Variants in KIF6 observed in about 807,000 individuals in gnomAD.
KIF6 encodes kinesin family member 6.
KIF6 carries 106 observed loss-of-function variants against 112.7 expected under a neutral mutation model. The observed-to-expected ratio is 0.94, with a 90% CI of 0.80 to 1.11. The LOEUF (loss-of-function observed/expected upper bound fraction) is 1.11, where lower values mean the gene tolerates loss of function less well. Ranked by LOEUF, KIF6 falls within the 50% of genes least tolerant of loss-of-function variation. The pLI, the probability that KIF6 is intolerant of heterozygous loss-of-function variation, is 0.00. For synonymous variants in KIF6, 339 were observed against 339.9 expected (o/e 1.00, Z 0.03); for missense variants, 929 against 964.0 (o/e 0.96, Z 0.48).
intron 16 of KIF6, among the ~76,000 whole-genome samples, chr6:39,381,340 A>G (rs1024397051): frequency 1.3e-5 from 2 of 152,224 alleles, no homozygotes; most frequent in Non-Finnish European, 2.9e-5. Context: ...AGAGTGAGAG[A>G]AAGTGAAAAG....
At chr6:39,485,571 A>G (rs924400563) in intron 13 of KIF6, among the ~76,000 whole-genome samples, 3 of 152,176 alleles carry the variant, frequency 2.0e-5, no homozygotes, top group Admixed American at 6.5e-5. Context: ...TCTGTAGTTT[A>G]GCGATTCTCA....
rs1193089805 is a variant in KIF6 at position 39,330,722 on chromosome 6, G to C, written c.*5810C>G. 2.6e-5 allele frequency: 4 copies of C among 152,232 alleles called. No homozygotes were observed. Among genetic ancestry groups the C allele is most frequent in the African/African-American group, 4.8e-5 (2 of 41,460 alleles). 9.4% of individuals were successfully genotyped at this position (152,232 alleles called of 1,614,324 possible). A position where few individuals can be genotyped will look rare whatever the true frequency, so the allele number is the denominator to read the frequency against. The stretch of plus-strand genomic sequence containing the variant: ...CGAGGCCATGGAAAACCCAAATAAA[G>C]CAGTTAACTCTGAAAAGGTTGCTGC... On this transcript the variant is annotated 3_prime_UTR_variant, in exon 23 of 23. Transcript: ENST00000287152.
intron 13 of KIF6, among the ~76,000 whole-genome samples, chr6:39,444,849 T>C (rs1772201867): frequency 6.7e-6 from 1 of 148,312 alleles, no homozygotes; most frequent in Non-Finnish European, 1.5e-5. Flanking sequence ...AAAAAGGAAA[T>C]TTTTGGAGGG....
At chr6:39,708,204 GC>G (rs539638657) in intron 3 of KIF6, among the ~76,000 whole-genome samples, 202 of 152,226 alleles carry the variant, frequency 1.3e-3, no homozygotes, top group African/African-American at 4.5e-3. Flanking sequence ...GTGTGGTACT[GC>G]CCCCTGCCAT....
chr6:39,349,822 T>C (rs1764099812), intron 19 of KIF6, among the ~76,000 whole-genome samples: 1 of 151,792 alleles, frequency 6.6e-6, no homozygotes, highest in African/African-American at 2.4e-5. Flanking sequence ...ATTTTTGTCT[T>C]TTTAGTAGAG....
chr6:39,428,848 A>T (rs550792054), intron 14 of KIF6, among the ~76,000 whole-genome samples: 140 of 152,292 alleles, frequency 9.2e-4, no homozygotes, highest in African/African-American at 3.3e-3. Context: ...GTCCTGCTTC[A>T]TGGGGCATCG....
chr6:39,720,497 T>C (rs962413640), intron 2 of KIF6, among the ~76,000 whole-genome samples: 1 of 151,988 alleles, frequency 6.6e-6, no homozygotes, highest in Non-Finnish European at 1.5e-5. Context: ...TGGAATACAA[T>C]CTCAGATATA....
intron 2 of KIF6, among the ~76,000 whole-genome samples, chr6:39,717,127 C>T (rs1380649170): frequency 6.6e-6 from 1 of 152,184 alleles, no homozygotes; most frequent in Non-Finnish European, 1.5e-5. Flanking sequence ...CCTGCTAAAA[C>T]ATAAGTGAGA....
intron 15 of KIF6, among the ~76,000 whole-genome samples, chr6:39,417,615 C>T (rs1770014898): frequency 6.6e-6 from 1 of 152,144 alleles, no homozygotes; most frequent in Non-Finnish European, 1.5e-5. Flanking sequence ...GCAGGAAACA[C>T]CTGTGCAGAT....
intron 13 of KIF6, among the ~76,000 whole-genome samples, chr6:39,451,185 ATGG>A (rs1045197180): frequency 7.9e-5 from 12 of 152,222 alleles, no homozygotes; most frequent in African/African-American, 1.2e-4. Flanking sequence ...AGCTGGGAAT[ATGG>A]TGGTGAGCAA....
chr6:39,613,227 AATTCAGAGCTTCT>A lies in KIF6; in HGVS notation c.588_600del (p.Glu196AspfsTer5). The A allele has an allele frequency of 6.2e-7, 1 of 1,603,596 alleles. No homozygotes were observed. On this transcript the variant is annotated frameshift_variant, in exon 6 of 23. Coordinates refer to ENST00000287152, the MANE Select transcript of KIF6 (RefSeq NM_145027.6). LOFTEE classifies it high-confidence loss of function. The stretch of plus-strand genomic sequence containing the variant: ...CGGTTGGTGTCTCCTAAAAAAAGCA[AATTCAGAGCTTCT>A]TCCTCTGTGGTTGCCTGATGGAGAG...
At chr6:39,487,157 T>C (rs992287224) in intron 13 of KIF6, among the ~76,000 whole-genome samples, 1 of 152,228 alleles carries the variant, frequency 6.6e-6, no homozygotes, top group African/African-American at 2.4e-5. Context: ...ATTAGATTGA[T>C]TCTTTTTACT....
At chr6:39,466,117 A>C (rs1048178914) in intron 13 of KIF6, among the ~76,000 whole-genome samples, 16 of 152,212 alleles carry the variant, frequency 1.1e-4, no homozygotes, top group African/African-American at 3.6e-4. Context: ...TCCAGGAGTT[A>C]ACACAGGGTC....
chr6:39,485,453 C>T (rs9394600), intron 13 of KIF6, among the ~76,000 whole-genome samples: 9,232 of 152,050 alleles, frequency 0.061, 497 homozygotes, highest in East Asian at 0.25. Flanking sequence ...ACCATCTTAC[C>T]CATTTGAATA....
chr6:39,584,349 C>T (rs1039945922), intron 9 of KIF6, among the ~76,000 whole-genome samples: 11 of 127,190 alleles, frequency 8.6e-5, no homozygotes, highest in Non-Finnish European at 1.7e-4. Context: ...GCTTGAGAGG[C>T]GGAGGTTGCA....
At chr6:39,381,036 G>C (rs1407221882) in intron 16 of KIF6, among the ~76,000 whole-genome samples, 1 of 152,124 alleles carries the variant, frequency 6.6e-6, no homozygotes, top group Non-Finnish European at 1.5e-5. Context: ...ACTGGGAATG[G>C]CTTATCATCA....
intron 3 of KIF6, among the ~76,000 whole-genome samples, chr6:39,667,743 C>T (rs144598855): frequency 2.7e-4 from 41 of 152,198 alleles, no homozygotes; most frequent in Non-Finnish European, 4.7e-4. Context: ...TAGATGTTAG[C>T]GATTTTAGAC....
chr6:39,520,395 C>T (rs529634800), intron 13 of KIF6, among the ~76,000 whole-genome samples: 1 of 152,182 alleles, frequency 6.6e-6, no homozygotes. Context: ...AAGCACATAG[C>T]CTGTCTATCA....
intron 19 of KIF6, among the ~76,000 whole-genome samples, chr6:39,348,218 TTCAC>T (rs1763953169): frequency 6.6e-6 from 1 of 152,190 alleles, no homozygotes; most frequent in Non-Finnish European, 1.5e-5. Flanking sequence ...AAATGGCTCA[TTCAC>T]TCAGTGGCTT....
Sources: allele counts gnomAD v4.1 joint callset (sites outside exome capture counted in the v4.1 genomes callset), GRCh38; gene constraint gnomAD v4.1.1; transcripts MANE v1.5; gene names NCBI Gene and HGNC (gene_info 2026-07-23, HGNC 2026-07-21).